Variants in LRFN2 observed in about 807,000 individuals in gnomAD.
LRFN2 encodes leucine rich repeat and fibronectin type III domain containing 2.
LRFN2 carries 18 observed loss-of-function variants against 37.3 expected under a neutral mutation model. The ratio of observed to expected loss-of-function variants is 0.48; its 90% CI spans 0.33 to 0.72. The LOEUF is 0.72. LRFN2 is among the 30% of genes least tolerant of loss of function. The pLI, the probability that LRFN2 is intolerant of heterozygous loss-of-function variation, is 0.02. For synonymous variants in LRFN2, 556 were observed against 466.6 expected, an observed-to-expected ratio of 1.19 and a Z score of -2.47; for missense variants, 1,006 against 1,060.7, an observed-to-expected ratio of 0.95 and a Z score of 0.72.
chr6:40,519,441 G>C (rs1765985804), intron 1 of LRFN2, among the ~76,000 whole-genome samples: 1 of 152,176 alleles, frequency 6.6e-6, no homozygotes, highest in South Asian at 2.1e-4. Context: ...CTTGACTTTG[G>C]ATTTGACCAT....
intron 1 of LRFN2, among the ~76,000 whole-genome samples, chr6:40,547,264 C>T (rs1168668903): frequency 6.6e-6 from 1 of 152,080 alleles, no homozygotes; most frequent in Non-Finnish European, 1.5e-5. Context: ...GCCACCACAC[C>T]TGGCTAATTT....
In LRFN2 at chr6:40,562,831, TCACTCACACACACA is replaced by T. The variant is rs1294190189; in HGVS notation, c.-19+24096_-19+24109del. The stretch of plus-strand genomic sequence containing the variant: ...TGTGAGCGTGCTTATGTGCGTGCAC[TCACTCACACACACA>T]CACACACACACACACACACACACAC... On this transcript the variant is annotated intron_variant, in intron 1 of 2. Transcript: ENST00000338305. Among the ~76,000 whole-genome samples, 43 of 144,148 alleles carry T rather than the reference TCACTCACACACACA, an allele frequency of 3.0e-4. No individual in the cohort carries two copies. The East Asian group carries it at 7.5e-3, about 25-fold the overall frequency. 94.6% of individuals were successfully genotyped at this position (144,148 alleles called of 152,430 possible).
Position 40,399,426 on chromosome 6 carries a change from CT to C in LRFN2, c.1401-6515del, listed in dbSNP as rs61458320. ...ACTGAATTCTCTTTCTTTTTCTTTT[CT>C]TTTTTTTTTTCTTTTTTTTTTTTTT... is the stretch of plus-strand genomic sequence containing the variant. On this transcript the variant is annotated intron_variant, in intron 2 of 2. Coordinates refer to ENST00000338305, the MANE Select transcript of LRFN2 (RefSeq NM_020737.3). Among the ~76,000 whole-genome samples the C allele has an allele frequency of 3.1e-3, 421 of 134,370 alleles. 2 individuals carry two copies. Among genetic ancestry groups the C allele is most frequent in the African/African-American group, 9.7e-3 (359 of 37,140 alleles). 88.2% of individuals were successfully genotyped at this position (134,370 alleles called of 152,430 possible). A position where few individuals can be genotyped will look rare whatever the true frequency, so the allele number is the denominator to read the frequency against.
intron 1 of LRFN2, among the ~76,000 whole-genome samples, chr6:40,451,409 C>T (rs985744591): frequency 1.3e-5 from 2 of 152,182 alleles, no homozygotes; most frequent in Non-Finnish European, 2.9e-5. Context: ...ACCTGGGTTA[C>T]ATGCCTCATC....
chr6:40,576,266 A>G (rs1161604643), intron 1 of LRFN2, among the ~76,000 whole-genome samples: 1 of 152,250 alleles, frequency 6.6e-6, no homozygotes, highest in African/African-American at 2.4e-5. Context: ...TCCATAGGGT[A>G]ACATGATACA....
At chr6:40,515,892 CAAAAAAAAAAA>C (rs71543993) in intron 1 of LRFN2, among the ~76,000 whole-genome samples, 1 of 91,786 alleles carries the variant, frequency 1.1e-5, no homozygotes, top group Non-Finnish European at 2.2e-5. Flanking sequence ...GACTCCATAT[CAAAAAAAAAAA>C]AAAAAAAAAA....
intron 1 of LRFN2, among the ~76,000 whole-genome samples, chr6:40,443,764 G>A (rs958607081): frequency 7.2e-5 from 11 of 152,182 alleles, no homozygotes; most frequent in Non-Finnish European, 1.5e-4. Context: ...AGAGATGTGG[G>A]CAGGGTGGGG....
chr6:40,499,472 GAGA>G (rs1765320012), intron 1 of LRFN2, among the ~76,000 whole-genome samples: 1 of 152,160 alleles, frequency 6.6e-6, no homozygotes, highest in South Asian at 2.1e-4. Context: ...CAGAGCCCAG[GAGA>G]AGATTTCTGC....
At chr6:40,465,448 C>T (rs1294608376) in intron 1 of LRFN2, among the ~76,000 whole-genome samples, 4 of 152,172 alleles carry the variant, frequency 2.6e-5, no homozygotes, top group African/African-American at 9.7e-5. Context: ...TTATGAGCAG[C>T]CCCATATTGG....
In LRFN2 at chr6:40,392,067, G is replaced by C. The variant is rs878946183; in HGVS notation, c.2246C>G (p.Ser749Trp). 1 of 1,614,042 alleles carries C rather than the reference G, an allele frequency of 6.2e-7. No homozygotes were observed. The highest frequency in any genetic ancestry group is 8.5e-7 in the Non-Finnish European group (1 of 1,180,008). ...GAGGCTGCGCTTCGTCCAGATGTTCGAGACCTTCCGAGGAGGACTGTAGCC... is the reference window on the plus strand; with the variant it reads ...GAGGCTGCGCTTCGTCCAGATGTTCCAGACCTTCCGAGGAGGACTGTAGCC... ...PGGYSPPRKV[S>W]NIWTKRSLSV... The change falls in exon 3 of 3, where the codon TCG becomes TGG. Residue 749 changes from serine to tryptophan, a missense_variant. Physicochemically the swap from Ser to Trp is radical, Grantham distance 177. Coordinates refer to ENST00000338305, the MANE Select transcript of LRFN2 (RefSeq NM_020737.3). This position sits in a 1 kb window ranked among gnomAD's most constrained non-coding sequence, Gnocchi z 4.7.
At chr6:40,582,439 C>G (rs1426636372) in intron 1 of LRFN2, among the ~76,000 whole-genome samples, 1 of 151,888 alleles carries the variant, frequency 6.6e-6, no homozygotes, top group African/African-American at 2.4e-5. Flanking sequence ...CAGACAATCC[C>G]AAGCAGGTTG....
At chr6:40,577,096 T>TCTCTTCTCTTCTCTTCTCTTC (rs1561913878) in intron 1 of LRFN2, among the ~76,000 whole-genome samples, 2 of 137,598 alleles carry the variant, frequency 1.5e-5, no homozygotes, top group Non-Finnish European at 3.2e-5. Flanking sequence ...TTCTTTTCTT[T>TCTCTTCTCTTCTCTTCTCTTC]TCTTTTCCTT....
At chr6:40,451,771 A>T (rs1764116447) in intron 1 of LRFN2, among the ~76,000 whole-genome samples, 1 of 152,226 alleles carries the variant, frequency 6.6e-6, no homozygotes, top group Non-Finnish European at 1.5e-5. Context: ...GTGTAGCTCT[A>T]TGTGATCAGG....
intron 1 of LRFN2, among the ~76,000 whole-genome samples, chr6:40,508,815 G>A (rs1314100406): frequency 6.6e-6 from 1 of 152,234 alleles, no homozygotes; most frequent in South Asian, 2.1e-4. Flanking sequence ...CGAAGCCTGG[G>A]CTCTCCCCAC....
At chr6:40,490,928 G>A (rs756458245) in intron 1 of LRFN2, among the ~76,000 whole-genome samples, 28 of 152,052 alleles carry the variant, frequency 1.8e-4, no homozygotes, top group Non-Finnish European at 3.2e-4. Context: ...TCCTTGTCTC[G>A]TCCGGATATA....
In LRFN2 at chr6:40,391,723, G is replaced by A. The variant is rs1762505347; in HGVS notation, c.*220C>T. 5 of 438,586 alleles carry A rather than the reference G, an allele frequency of 1.1e-5. No homozygotes were observed. The highest frequency in any genetic ancestry group is 4.1e-5 in the Admixed American group (1 of 24,502). 27.2% of individuals were successfully genotyped at this position (438,586 alleles called of 1,614,324 possible). A position where few individuals can be genotyped will look rare whatever the true frequency, so the allele number is the denominator to read the frequency against. ...TTTCCAAACACTCAGGGCTCAGTCC[G>A]GCATTTGAGCGAGTCCACATTCCCT... On this transcript the variant is annotated 3_prime_UTR_variant, in exon 3 of 3. Transcript: ENST00000338305.
intron 2 of LRFN2, 123 bp downstream of exon 2, chr6:40,431,591 A>C: frequency 2.6e-6 from 2 of 765,874 alleles, no homozygotes; most frequent in East Asian, 5.6e-5. Context: ...AGTTTGCCCC[A>C]GAATCCCCAC....
chr6:40,478,057 G>A (rs1581736321), intron 1 of LRFN2, among the ~76,000 whole-genome samples: 1 of 152,162 alleles, frequency 6.6e-6, no homozygotes, highest in East Asian at 1.9e-4. Context: ...ATCAGGGCGG[G>A]AAGCCACAGG....
At chr6:40,574,184 ACT>A (rs1767235102) in intron 1 of LRFN2, among the ~76,000 whole-genome samples, 1 of 152,176 alleles carries the variant, frequency 6.6e-6, no homozygotes. Flanking sequence ...ATAGACAAAC[ACT>A]TTAATAACAT....
Sources: gnomAD v4.1 joint callset for allele counts (sites outside exome capture counted in the v4.1 genomes callset) on GRCh38, gnomAD v4.1.1 for gene constraint, Gnocchi (gnomAD v3.1) non-coding constraint, MANE v1.5 for transcripts, NCBI Gene and HGNC (gene_info 2026-07-23, HGNC 2026-07-21) for gene names.